Variants in ST7L observed in about 807,000 individuals in gnomAD.
The protein encoded by ST7L is suppression of tumorigenicity 7 like.
A neutral mutation model predicts 72.5 loss-of-function variants in ST7L; 57 were observed. The observed-to-expected ratio is 0.79, with a 90% CI of 0.64 to 0.98. The LOEUF is 0.98. Among genes scored for constraint, ST7L ranks in the 50% least tolerant of loss-of-function variants. The pLI is 0.00. For synonymous variants in ST7L, 221 were observed against 240.9 expected (o/e 0.92, Z 0.77); for missense variants, 576 against 672.2 (o/e 0.86, Z 1.58).
rs1342099010 is a variant in ST7L at position 112,524,034 on chromosome 1, C to T, written c.*1979G>A. 6.6e-6 allele frequency: 1 copy of T among 151,762 alleles called. No homozygotes were observed. The highest frequency in any genetic ancestry group is 1.5e-5 in the Non-Finnish European group (1 of 67,890). 9.4% of individuals were successfully genotyped at this position (151,762 alleles called of 1,614,324 possible). ...ACAAAAAACAAAAAACAAAAACAAA[C>T]ATTGCCTGGCCCTGAGGGTCTGTTT... On this transcript the variant is annotated 3_prime_UTR_variant, in exon 15 of 15. Coordinates refer to ENST00000358039, the MANE Select transcript of ST7L (RefSeq NM_017744.5).
intron 6 of ST7L, among the ~76,000 whole-genome samples, chr1:112,589,934 C>T (rs2101939531): frequency 6.6e-6 from 1 of 152,286 alleles, no homozygotes; most frequent in East Asian, 1.9e-4. Context: ...TTTTTAGAGC[C>T]TTTATTCCTC....
At chr1:112,587,133 G>A (rs1664987548) in intron 6 of ST7L, among the ~76,000 whole-genome samples, 2 of 152,118 alleles carry the variant, frequency 1.3e-5, no homozygotes, top group Admixed American at 6.6e-5. Context: ...TCTTCTAAGA[G>A]TTCTGTAGTT....
At chr1:112,521,306 G>A (rs1652859214), downstream of ST7L, 1 of 130,570 alleles carries the variant, frequency 7.7e-6, no homozygotes, top group African/African-American at 2.9e-5. Context: ...TAGGCCTTGT[G>A]TTGCCTTTTT....
At chr1:112,521,190 CTTGCTGCCTG>C (rs1652852657), downstream of ST7L, 1 of 152,444 alleles carries the variant, frequency 6.6e-6, no homozygotes, top group African/African-American at 2.4e-5. Flanking sequence ...CTTTTGCTTA[CTTGCTGCCTG>C]TTCAAACTGA....
intron 2 of ST7L, among the ~76,000 whole-genome samples, chr1:112,612,644 G>A (rs1004157850): frequency 3.9e-5 from 6 of 152,002 alleles, no homozygotes; most frequent in Non-Finnish European, 8.8e-5. Context: ...AATGTTTTAT[G>A]CTCAGTCTAA....
At chr1:112,539,428 G>A (rs1415171516) in intron 14 of ST7L, among the ~76,000 whole-genome samples, 2 of 152,144 alleles carry the variant, frequency 1.3e-5, no homozygotes, top group Non-Finnish European at 2.9e-5. Flanking sequence ...GGCCAAGGTG[G>A]GTTGATCACT....
intron 11 of ST7L, 31 bp from the exon 12 acceptor site, chr1:112,556,049 C>T: frequency 7.1e-7 from 1 of 1,410,646 alleles, no homozygotes; most frequent in Non-Finnish European, 9.3e-7. Flanking sequence ...CACATATACA[C>T]ACAACAGAAA....
At position 112,578,467 on chromosome 1, in the gene ST7L, G is replaced by A. The variant is rs1663508837; in HGVS notation, c.1070-50C>T. Reference sequence around the variant, plus strand: ...GTAGGAATTACAAAAAAGGTATTGAGACAATTTTTTAATAAGAATAATTCA... The same window carrying A: ...GTAGGAATTACAAAAAAGGTATTGAAACAATTTTTTAATAAGAATAATTCA... On this transcript the variant is annotated intron_variant, in intron 9 of 14. Coordinates refer to ENST00000358039, the MANE Select transcript of ST7L (RefSeq NM_017744.5). The A allele has an allele frequency of 2.0e-6, 3 of 1,523,216 alleles. No homozygotes were observed. The South Asian group carries it at 3.4e-5, about 17-fold the overall frequency. The allele number at this position is 1,523,216 out of a possible 1,614,324, so 94.4% of individuals were successfully genotyped here. A position where few individuals can be genotyped will look rare whatever the true frequency, so the allele number is the denominator to read the frequency against.
At chr1:112,611,682 G>C (rs1275559214) in intron 2 of ST7L, among the ~76,000 whole-genome samples, 1 of 152,134 alleles carries the variant, frequency 6.6e-6, no homozygotes, top group Non-Finnish European at 1.5e-5. Context: ...GTTCACGTCT[G>C]TAATTCCAGC....
At chr1:112,575,889 T>C (rs1050922410) in intron 11 of ST7L, among the ~76,000 whole-genome samples, 9 of 152,218 alleles carry the variant, frequency 5.9e-5, no homozygotes, top group African/African-American at 1.9e-4. Context: ...TTCTTAACCA[T>C]ATCTTTACTT....
intron 11 of ST7L, among the ~76,000 whole-genome samples, chr1:112,556,679 G>A (rs1392298678): frequency 6.6e-6 from 1 of 151,940 alleles, no homozygotes. Context: ...TTTATTAGAG[G>A]TATACACAAT....
At chr1:112,551,798 T>C (rs1033879516) in intron 12 of ST7L, among the ~76,000 whole-genome samples, 1 of 152,268 alleles carries the variant, frequency 6.6e-6, no homozygotes, top group Non-Finnish European at 1.5e-5. Flanking sequence ...TTGGAAACTG[T>C]GACTTTAAAT....
chr1:112,536,730 G>A (rs1009580363), intron 14 of ST7L, among the ~76,000 whole-genome samples: 1 of 151,974 alleles, frequency 6.6e-6, no homozygotes, highest in Admixed American at 6.6e-5. Flanking sequence ...TTACAGTGGA[G>A]CCAGCCAATT....
At chr1:112,548,999 TTGTGTG>T (rs71081247) in intron 13 of ST7L, among the ~76,000 whole-genome samples, 7 of 148,906 alleles carry the variant, frequency 4.7e-5, no homozygotes, top group East Asian at 3.9e-4. Context: ...GCTTGTTACT[TTGTGTG>T]TGTGTGTGTG....
At chr1:112,534,488 A>G (rs918776969) in intron 14 of ST7L, among the ~76,000 whole-genome samples, 1 of 152,192 alleles carries the variant, frequency 6.6e-6, no homozygotes, top group African/African-American at 2.4e-5. Context: ...ATCTCTTTTA[A>G]AAAATGAAGC....
At chr1:112,520,417 T>C, downstream of ST7L, 1 of 1,614,110 alleles carries the variant, frequency 6.2e-7, no homozygotes, top group South Asian at 1.1e-5. Context: ...ATTCCACTGG[T>C]GCTGTGCTGT....
intron 4 of ST7L, among the ~76,000 whole-genome samples, chr1:112,599,121 T>G: frequency 1.5e-5 from 1 of 65,664 alleles, no homozygotes; most frequent in African/African-American, 7.7e-5. Context: ...TGTGGATGTG[T>G]GTGTATACAC....
intron 2 of ST7L, among the ~76,000 whole-genome samples, chr1:112,612,557 C>T (rs550112540): frequency 2.6e-5 from 4 of 152,084 alleles, no homozygotes; most frequent in African/African-American, 9.6e-5. Flanking sequence ...CATGTTGGGG[C>T]CCGCTGACTA....
At chr1:112,544,036 TATTTGAA>T (rs948667302) in intron 13 of ST7L, among the ~76,000 whole-genome samples, 1 of 152,214 alleles carries the variant, frequency 6.6e-6, no homozygotes, top group African/African-American at 2.4e-5. Context: ...ATTTATATTT[TATTTGAA>T]ATTTGAAAAT....
Sources: allele counts gnomAD v4.1 joint callset (sites outside exome capture counted in the v4.1 genomes callset), GRCh38; gene constraint gnomAD v4.1.1; transcripts MANE v1.5; gene names NCBI Gene and HGNC (gene_info 2026-07-23, HGNC 2026-07-21).